PLCB4: variants seen among roughly 807,000 people sequenced by gnomAD.
The protein encoded by PLCB4 is 1-phosphatidylinositol 4,5-bisphosphate phosphodiesterase beta-4.
A neutral mutation model predicts 178.8 loss-of-function variants in PLCB4; 77 were observed. The ratio of observed to expected loss-of-function variants is 0.43; its 90% CI spans 0.36 to 0.52. PLCB4 has a LOEUF of 0.52. PLCB4 is among the 20% of genes least tolerant of loss of function. PLCB4 has a pLI of 0.00. For synonymous variants in PLCB4, 496 were observed against 490.8 expected, an observed-to-expected ratio of 1.01 and a Z score of -0.14; for missense variants, 1,024 against 1,453.4, an observed-to-expected ratio of 0.70 and a Z score of 4.80.
intron 2 of PLCB4, among the ~76,000 whole-genome samples, chr20:9,212,406 G>A (rs766470753): frequency 2.0e-5 from 3 of 152,092 alleles, no homozygotes; most frequent in African/African-American, 7.2e-5. Flanking sequence ...TCTTGGGGGA[G>A]GACATCACAT....
intron 9 of PLCB4, among the ~76,000 whole-genome samples, chr20:9,367,009 C>T (rs2035844838): frequency 6.6e-6 from 1 of 152,220 alleles, no homozygotes; most frequent in Non-Finnish European, 1.5e-5. Context: ...TGTGCTGTGG[C>T]TCCTGGCATT....
At chr20:9,164,288 A>T (rs561900902) in intron 2 of PLCB4, among the ~76,000 whole-genome samples, 1 of 152,012 alleles carries the variant, frequency 6.6e-6, no homozygotes, top group South Asian at 2.1e-4. Flanking sequence ...TGTTATTATG[A>T]TGTGTATCTA....
intron 8 of PLCB4, 111 bp downstream of exon 8, chr20:9,363,086 TC>T: frequency 1.3e-6 from 1 of 757,508 alleles, no homozygotes; most frequent in Non-Finnish European, 2.3e-6. Context: ...TGCCTTTCCC[TC>T]CATGCTCCTG....
At position 9,327,442 on chromosome 20, in the gene PLCB4, C is replaced by T. The variant is rs1418990096; in HGVS notation, c.85-9684C>T. Among the ~76,000 whole-genome samples, 6 of 151,734 alleles carry T rather than the reference C, an allele frequency of 4.0e-5. No individual in the cohort carries two copies. The Middle Eastern group carries it at 0.014, about 344-fold the overall frequency. ...CTGGAGTACTATGATTGTACCACTGCACTCCAGCCCGGATGACAGCAAAAT... is the reference window on the plus strand; with the variant it reads ...CTGGAGTACTATGATTGTACCACTGTACTCCAGCCCGGATGACAGCAAAAT... On this transcript the variant is annotated intron_variant, in intron 4 of 39. Transcript: ENST00000378473.
At chr20:9,119,444 T>C (rs1467344882) in intron 2 of PLCB4, among the ~76,000 whole-genome samples, 2 of 152,026 alleles carry the variant, frequency 1.3e-5, no homozygotes, top group Non-Finnish European at 2.9e-5. Context: ...TGATGAAGAC[T>C]TGTACATCAT....
rs899231924 is a variant in PLCB4, at chr20:9,452,775, A to G, written c.2881-572A>G. 3.3e-5 allele frequency among the ~76,000 whole-genome samples: 5 copies of G among 152,222 alleles called. No homozygotes were observed. The East Asian group carries it at 7.7e-4, about 23-fold the overall frequency. ...TAAACTGCTTCTAGATAAGTAAGCC[A>G]GTGAAAATATTAAGTGATGTAGATT... On this transcript the variant is annotated intron_variant, in intron 32 of 39. Coordinates refer to ENST00000378473, the MANE Select transcript of PLCB4 (RefSeq NM_001377142.1).
intron 31 of PLCB4, 68 bp downstream of exon 31, chr20:9,444,098 GT>G: frequency 2.1e-6 from 3 of 1,437,146 alleles, no homozygotes; most frequent in Non-Finnish European, 2.9e-6. Flanking sequence ...ATATATTTTT[GT>G]TTCTCACCAA....
rs74374217 is a variant in PLCB4 at position 9,327,804 on chromosome 20, A to T, written c.85-9322A>T. Among the ~76,000 whole-genome samples the T allele has an allele frequency of 4.7e-3, 716 of 152,268 alleles. 11 individuals carry two copies. The highest frequency in any genetic ancestry group is 0.016 in the African/African-American group (682 of 41,534). ...AAAAAAATAATAATAAAACAAAATT[A>T]AAAAATCAATACTAATTTACTTAGT... On this transcript the variant is annotated intron_variant, in intron 4 of 39. Transcript: ENST00000378473.
intron 17 of PLCB4, among the ~76,000 whole-genome samples, chr20:9,392,282 A>G (rs2038212230): frequency 6.6e-6 from 1 of 152,076 alleles, no homozygotes; most frequent in Non-Finnish European, 1.5e-5. Flanking sequence ...ATGAAAGTAC[A>G]CTCCACAGGG....
intron 7 of PLCB4, among the ~76,000 whole-genome samples, chr20:9,361,384 A>G (rs2035312671): frequency 6.6e-6 from 1 of 152,220 alleles, no homozygotes; most frequent in Admixed American, 6.5e-5. Flanking sequence ...TCACAAAATG[A>G]CAAATTCTGT....
intron 14 of PLCB4, among the ~76,000 whole-genome samples, chr20:9,386,480 A>T (rs1002562559): frequency 2.0e-5 from 3 of 151,818 alleles, no homozygotes; most frequent in Non-Finnish European, 2.9e-5. Context: ...ACAATACTTT[A>T]TTTTTTTAAT....
chr20:9,412,722 C>G (rs1320175755), intron 25 of PLCB4, among the ~76,000 whole-genome samples: 1 of 152,112 alleles, frequency 6.6e-6, no homozygotes, highest in Non-Finnish European at 1.5e-5. Flanking sequence ...AGCAATAATC[C>G]TATCAAGTCA....
intron 2 of PLCB4, among the ~76,000 whole-genome samples, chr20:9,191,075 AC>A (rs1382270197): frequency 1.3e-5 from 2 of 152,222 alleles, no homozygotes; most frequent in Non-Finnish European, 2.9e-5. Flanking sequence ...TCTGCTAAAT[AC>A]TAACATTTCA....
intron 2 of PLCB4, among the ~76,000 whole-genome samples, chr20:9,140,051 C>G (rs1441302587): frequency 6.6e-6 from 1 of 152,098 alleles, no homozygotes; most frequent in African/African-American, 2.4e-5. Context: ...TGCCTTCTAA[C>G]TTTTTCTGGA....
At chr20:9,412,874 C>G (rs1028825099) in intron 25 of PLCB4, among the ~76,000 whole-genome samples, 1 of 152,208 alleles carries the variant, frequency 6.6e-6, no homozygotes, top group Admixed American at 6.5e-5. Context: ...CCATGGCTCC[C>G]TACCCCTTTG....
At chr20:9,152,064 T>C (rs2092700951) in intron 2 of PLCB4, among the ~76,000 whole-genome samples, 2 of 152,144 alleles carry the variant, frequency 1.3e-5, no homozygotes, top group African/African-American at 4.8e-5. Flanking sequence ...ATATACGGTA[T>C]CTGGTGGAAG....
chr20:9,409,333 T>TC (rs756873586), intron 24 of PLCB4, 152 bp downstream of exon 24: 56 of 384,166 alleles, frequency 1.5e-4, no homozygotes, highest in African/African-American at 9.5e-4. Flanking sequence ...TGGTGAGAAA[T>TC]AAAAAAAAAA....
At chr20:9,094,279 A>G (rs2090809348) in intron 1 of PLCB4, among the ~76,000 whole-genome samples, 1 of 152,178 alleles carries the variant, frequency 6.6e-6, no homozygotes, top group African/African-American at 2.4e-5. Flanking sequence ...GCAACTAAAT[A>G]TATATTTGTT....
chr20:9,108,781 T>A (rs1031769825), intron 2 of PLCB4, among the ~76,000 whole-genome samples: 2 of 151,848 alleles, frequency 1.3e-5, no homozygotes, highest in Admixed American at 1.3e-4. Flanking sequence ...TATAAGCTGG[T>A]TGATCCAGGT....
Sources: gnomAD v4.1 joint callset for allele counts (sites outside exome capture counted in the v4.1 genomes callset) on GRCh38, gnomAD v4.1.1 for gene constraint, MANE v1.5 for transcripts, NCBI Gene and HGNC (gene_info 2026-07-23, HGNC 2026-07-21) for gene names.